Variants in DOCK3 observed in about 807,000 individuals in gnomAD.
DOCK3 encodes the protein dedicator of cytokinesis protein 3.
In DOCK3, 60 loss-of-function variants were observed where a neutral mutation model predicts 265.6. The ratio of observed to expected loss-of-function variants is 0.23; its 90% CI spans 0.18 to 0.28. DOCK3 has a LOEUF of 0.28. Ranked by LOEUF, DOCK3 falls within the 10% of genes least tolerant of loss-of-function variation. DOCK3 has a pLI of 1.00. For missense variants in DOCK3, 1,981 were observed against 2,594.3 expected (o/e 0.76, Z 5.14); for synonymous variants, 881 against 938.0 (o/e 0.94, Z 1.11).
At chr3:50,719,177 A>G (rs768100886) in intron 1 of DOCK3, among the ~76,000 whole-genome samples, 18 of 151,258 alleles carry the variant, frequency 1.2e-4, no homozygotes, top group Admixed American at 1.3e-4. Flanking sequence ...TTAGGACTCT[A>G]GTAGTAAGTT....
chr3:51,268,100 C>T (rs1158624034), intron 23 of DOCK3, among the ~76,000 whole-genome samples: 1 of 152,062 alleles, frequency 6.6e-6, no homozygotes, highest in East Asian at 1.9e-4. Context: ...TGTAACAAAC[C>T]TGCACATTCT....
rs111360019 is a variant in DOCK3 at position 51,161,908 on chromosome 3, A to G, written c.1037+1206A>G. Among the ~76,000 whole-genome samples, 6 of 152,336 alleles carry G rather than the reference A, an allele frequency of 3.9e-5. 2 individuals carry two copies. Among genetic ancestry groups the G allele is most frequent in the African/African-American group, 1.4e-4 (6 of 41,584 alleles). Reference sequence around the variant, plus strand: ...GCATTATTTTTAGTGTTCTTCAACCAAAGGATATTGTCTTAGATAAGCAGT... The same window carrying G: ...GCATTATTTTTAGTGTTCTTCAACCGAAGGATATTGTCTTAGATAAGCAGT... On this transcript the variant is annotated intron_variant, in intron 12 of 52. Coordinates refer to ENST00000266037, the MANE Select transcript of DOCK3 (RefSeq NM_004947.5).
rs902724239 is a variant in DOCK3, at chr3:51,127,472, C to T, written c.747-19077C>T. Among the ~76,000 whole-genome samples the T allele has an allele frequency of 5.3e-5, 8 of 152,138 alleles. 1 individual carries two copies. In the South Asian group the frequency reaches 8.3e-4, roughly 16 times the overall value. On this transcript the variant is annotated intron_variant, in intron 9 of 52. Coordinates refer to ENST00000266037, the MANE Select transcript of DOCK3 (RefSeq NM_004947.5). The stretch of plus-strand genomic sequence containing the variant: ...ATAATACAACTATCCTTCACATAAC[C>T]GGAAACGTACCAATCCCCAACCCAA...
chr3:50,771,171 T>C lies in DOCK3; in HGVS notation c.38-7504T>C, dbSNP rs576386904. Among the ~76,000 whole-genome samples the C allele has an allele frequency of 2.2e-4, 33 of 152,152 alleles. No individual in the cohort carries two copies. In the South Asian group the frequency reaches 5.0e-3, roughly 23 times the overall value. On this transcript the variant is annotated intron_variant, in intron 1 of 52. Transcript: ENST00000266037. ...TAAAATGAACAGACAACCCACAGAA[T>C]GGGAGAAAATATTTGCAAACTACGC...
rs575356774 is a variant in DOCK3, at chr3:50,858,187, C to T, written c.162+16472C>T. Among the ~76,000 whole-genome samples the T allele has an allele frequency of 5.1e-4, 78 of 152,150 alleles. 1 individual carries two copies. The highest frequency in any genetic ancestry group is 2.6e-3 in the Admixed American group (40 of 15,294). ...GCAAACTGTCACGAGGACAGAAAAC[C>T]AAACACCACATGTTCTCACTCATAG... is the stretch of plus-strand genomic sequence containing the variant. On this transcript the variant is annotated intron_variant, in intron 3 of 52. Coordinates refer to ENST00000266037, the MANE Select transcript of DOCK3 (RefSeq NM_004947.5).
At chr3:51,035,510 G>A (rs1443788603) in intron 5 of DOCK3, among the ~76,000 whole-genome samples, 1 of 152,008 alleles carries the variant, frequency 6.6e-6, no homozygotes, top group Non-Finnish European at 1.5e-5. Context: ...TGTAGTTTTA[G>A]TTAACTCTTT....
At chr3:50,937,121 A>G (rs1490297390) in intron 5 of DOCK3, among the ~76,000 whole-genome samples, 1 of 151,834 alleles carries the variant, frequency 6.6e-6, no homozygotes, top group Non-Finnish European at 1.5e-5. Context: ...TACTAAAAAT[A>G]GAAAAATTAG....
chr3:50,828,416 T>G (rs1200540327), intron 2 of DOCK3, among the ~76,000 whole-genome samples: 16 of 152,156 alleles, frequency 1.1e-4, no homozygotes, highest in Non-Finnish European at 7.3e-5. Context: ...TTCTTTTTTC[T>G]TTTTTTGAGA....
At chr3:50,707,050 CTT>C (rs772769300) in intron 1 of DOCK3, among the ~76,000 whole-genome samples, 45 of 152,248 alleles carry the variant, frequency 3.0e-4, no homozygotes, top group Non-Finnish European at 5.4e-4. Flanking sequence ...CCCTCTGTCT[CTT>C]CTTCCTGCTT....
chr3:51,313,021 A>G (rs1336010014), intron 31 of DOCK3, 119 bp downstream of exon 31: 3 of 934,814 alleles, frequency 3.2e-6, no homozygotes, highest in Admixed American at 2.2e-5. Flanking sequence ...AGATCCTTAC[A>G]TATCTTTCAC....
chr3:50,970,684 T>G (rs2077171552), intron 5 of DOCK3, among the ~76,000 whole-genome samples: 1 of 149,560 alleles, frequency 6.7e-6, no homozygotes, highest in African/African-American at 2.4e-5. Context: ...TTTTTCTGAT[T>G]TCTTTGTGTT....
chr3:50,736,267 A>G (rs2038604570), intron 1 of DOCK3, among the ~76,000 whole-genome samples: 1 of 152,152 alleles, frequency 6.6e-6, no homozygotes, highest in Non-Finnish European at 1.5e-5. Context: ...TCCATGGTGT[A>G]TATGTGCCAC....
intron 23 of DOCK3, among the ~76,000 whole-genome samples, chr3:51,260,627 AAC>A: frequency 6.6e-6 from 1 of 152,300 alleles, no homozygotes; most frequent in Non-Finnish European, 1.5e-5. Flanking sequence ...GTTTTTTATG[AAC>A]ACCTTATTCA....
At chr3:50,823,707 G>A (rs2044592338) in intron 2 of DOCK3, among the ~76,000 whole-genome samples, 1 of 151,858 alleles carries the variant, frequency 6.6e-6, no homozygotes, top group African/African-American at 2.4e-5. Context: ...GGTGGTGGCC[G>A]GGCAGAGGGG....
At chr3:50,987,627 C>T (rs1318744294) in intron 5 of DOCK3, among the ~76,000 whole-genome samples, 1 of 152,210 alleles carries the variant, frequency 6.6e-6, no homozygotes. Flanking sequence ...GTAAATAAAA[C>T]ACCTTCAACT....
chr3:51,019,428 T>C lies in DOCK3; in HGVS notation c.316-45020T>C, dbSNP rs181239862. ...TATGTGTGGGTCTCTTTCCAGATTC[T>C]GTTTTATTTCATTAGTTTATTTATA... On this transcript the variant is annotated intron_variant, in intron 5 of 52. Transcript: ENST00000266037. 1.3e-4 allele frequency among the ~76,000 whole-genome samples: 20 copies of C among 152,028 alleles called. 1 individual carries two copies. The highest frequency in any genetic ancestry group is 2.2e-4 in the Non-Finnish European group (15 of 68,016).
chr3:50,972,381 G>A (rs1436699441), intron 5 of DOCK3, among the ~76,000 whole-genome samples: 1 of 152,182 alleles, frequency 6.6e-6, no homozygotes, highest in African/African-American at 2.4e-5. Flanking sequence ...CTGCGCCTGA[G>A]CACTGAGGCT....
rs35251332 is a variant in DOCK3, at chr3:51,356,275, C to CAG, written c.4416+20_4416+21insAG. On this transcript the variant is annotated intron_variant, in intron 42 of 52. Transcript: ENST00000266037. Reference sequence around the variant, plus strand: ...TTCAAGGTGAACAAATCTAGGAAAACGGGCAGTACACACAGCAAGTCCAGG... The same window carrying CAG: ...TTCAAGGTGAACAAATCTAGGAAAACAGGGGCAGTACACACAGCAAGTCCAGG... 0.97 allele frequency: 1,571,442 copies of CAG among 1,613,768 alleles called. 765,228 individuals are homozygous for CAG. Among genetic ancestry groups the CAG allele is most frequent in the East Asian group, 1 (44,869 of 44,874 alleles).
chr3:51,212,590 A>G (rs762579266), intron 13 of DOCK3, among the ~76,000 whole-genome samples: 3 of 152,156 alleles, frequency 2.0e-5, no homozygotes, highest in Admixed American at 6.5e-5. Flanking sequence ...AAAGACAACA[A>G]AGATGAATAA....
Sources: allele counts gnomAD v4.1 joint callset (sites outside exome capture counted in the v4.1 genomes callset), GRCh38; gene constraint gnomAD v4.1.1; transcripts MANE v1.5; gene names NCBI Gene and HGNC (gene_info 2026-07-23, HGNC 2026-07-21).